Variants in LEKR1 observed in about 807,000 individuals in gnomAD.
LEKR1 encodes protein LEKR1.
Under a neutral mutation model 72.4 loss-of-function variants are expected in LEKR1, and 59 were observed. The observed-to-expected ratio is 0.82, with a 90% confidence interval of 0.66 to 1.01. The LOEUF is 1.01. Ranked by LOEUF, LEKR1 falls within the 50% of genes least tolerant of loss-of-function variation. LEKR1 has a pLI of 0.00. For missense variants in LEKR1, 728 were observed against 759.2 expected, an observed-to-expected ratio of 0.96 and a Z score of 0.48; for synonymous variants, 257 against 263.2, an observed-to-expected ratio of 0.98 and a Z score of 0.23.
chr3:156,882,669 T>C (rs1217737561), intron 3 of LEKR1, among the ~76,000 whole-genome samples: 1 of 152,166 alleles, frequency 6.6e-6, no homozygotes, highest in African/African-American at 2.4e-5. Flanking sequence ...CCCAAAGGAC[T>C]ATAAATCATG....
chr3:156,957,200 A>G (rs529291862), intron 6 of LEKR1, among the ~76,000 whole-genome samples: 2 of 152,178 alleles, frequency 1.3e-5, no homozygotes, highest in Admixed American at 1.3e-4. Context: ...CCATGCCAAC[A>G]TTTAGGACAT....
At chr3:156,966,873 C>A (rs556348057) in intron 6 of LEKR1, among the ~76,000 whole-genome samples, 2 of 152,130 alleles carry the variant, frequency 1.3e-5, no homozygotes, top group Admixed American at 1.3e-4. Flanking sequence ...CTGGGAGGCA[C>A]CCCCCAGTAG....
At chr3:156,835,232 C>T (rs1343434785) in intron 2 of LEKR1, among the ~76,000 whole-genome samples, 1 of 152,206 alleles carries the variant, frequency 6.6e-6, no homozygotes, top group East Asian at 1.9e-4. Flanking sequence ...AAGCACAGAG[C>T]TGAGACATTA....
intron 3 of LEKR1, among the ~76,000 whole-genome samples, chr3:156,902,505 G>T (rs1019715706): frequency 2.0e-5 from 3 of 151,900 alleles, no homozygotes; most frequent in Non-Finnish European, 4.4e-5. Flanking sequence ...ATTATTCAGG[G>T]TATTTAGCTG....
intron 9 of LEKR1, among the ~76,000 whole-genome samples, chr3:157,001,385 G>A (rs1309647300): frequency 6.6e-6 from 1 of 152,086 alleles, no homozygotes; most frequent in Admixed American, 6.6e-5. Context: ...CTCTTTGATT[G>A]ACAATGTGAA....
intron 2 of LEKR1, among the ~76,000 whole-genome samples, chr3:156,833,279 A>C (rs926966248): frequency 2.6e-5 from 4 of 152,180 alleles, no homozygotes; most frequent in African/African-American, 9.6e-5. Flanking sequence ...CCTCTATATT[A>C]ATGGCACAAT....
intron 6 of LEKR1, among the ~76,000 whole-genome samples, chr3:156,968,516 A>G (rs1728842524): frequency 6.6e-6 from 1 of 152,328 alleles, no homozygotes; most frequent in South Asian, 2.1e-4. Context: ...ACAAAGATCA[A>G]AAGAGACAAG....
At chr3:156,939,667 T>G (rs1726025464) in intron 5 of LEKR1, among the ~76,000 whole-genome samples, 1 of 152,306 alleles carries the variant, frequency 6.6e-6, no homozygotes, top group African/African-American at 2.4e-5. Context: ...AGTAAAATAT[T>G]TCCTATTCTA....
At chr3:156,964,069 A>G (rs1035655754) in intron 6 of LEKR1, among the ~76,000 whole-genome samples, 1 of 152,178 alleles carries the variant, frequency 6.6e-6, no homozygotes, top group Non-Finnish European at 1.5e-5. Context: ...TGAGTATGTT[A>G]TATAGTTTAG....
At chr3:157,017,614 A>G (rs1396474091) in intron 10 of LEKR1, 1 of 152,166 alleles carries the variant, frequency 6.6e-6, no homozygotes, top group Non-Finnish European at 1.5e-5. Context: ...ATAAAAACAC[A>G]ATAGATTAAA....
chr3:156,829,043 C>G (rs886289115), intron 1 of LEKR1, among the ~76,000 whole-genome samples: 1 of 152,120 alleles, frequency 6.6e-6, no homozygotes. Context: ...CTATAAAGTT[C>G]TAACAAAAGA....
intron 5 of LEKR1, among the ~76,000 whole-genome samples, chr3:156,939,931 G>A (rs910252172): frequency 1.3e-5 from 2 of 152,052 alleles, no homozygotes; most frequent in Non-Finnish European, 2.9e-5. Context: ...TGAAATTAGG[G>A]ATAGAATTGA....
rs191297533 is a variant in LEKR1 at position 156,992,339 on chromosome 3, G to A, written c.828-314G>A. On this transcript the variant is annotated intron_variant, in intron 7 of 12. Coordinates refer to ENST00000356539, the MANE Select transcript of LEKR1 (RefSeq NM_001004316.3). ...CCCATGCTGTCACCTCATTCCAACT[G>A]TCAACTTTCCTCCAGAATCTCCCTG... 5.9e-5 allele frequency among the ~76,000 whole-genome samples: 9 copies of A among 152,254 alleles called. No individual in the cohort carries two copies. The East Asian group carries it at 1.7e-3, about 29-fold the overall frequency.
At chr3:157,033,746 C>A (rs1577023754) in intron 12 of LEKR1, among the ~76,000 whole-genome samples, 1 of 152,166 alleles carries the variant, frequency 6.6e-6, no homozygotes, top group South Asian at 2.1e-4. Context: ...ATGGAACAAC[C>A]TTCTATTGGA....
At chr3:156,981,204 C>T (rs577912275) in intron 7 of LEKR1, among the ~76,000 whole-genome samples, 11 of 152,180 alleles carry the variant, frequency 7.2e-5, no homozygotes, top group East Asian at 1.9e-4. Context: ...GACAAAATTG[C>T]GTAATGACAC....
chr3:156,870,483 T>A (rs1717797823), intron 3 of LEKR1, among the ~76,000 whole-genome samples: 1 of 152,124 alleles, frequency 6.6e-6, no homozygotes, highest in Admixed American at 6.6e-5. Flanking sequence ...GATTTCTTTT[T>A]CAGCTAATCC....
chr3:156,950,458 C>G (rs1351724105), intron 6 of LEKR1, among the ~76,000 whole-genome samples: 1 of 151,498 alleles, frequency 6.6e-6, no homozygotes, highest in Admixed American at 6.6e-5. Flanking sequence ...ATTGATTCTT[C>G]CAATCCATGA....
chr3:157,031,792 G>A (rs2108040049), intron 12 of LEKR1, among the ~76,000 whole-genome samples: 1 of 152,280 alleles, frequency 6.6e-6, no homozygotes, highest in South Asian at 2.1e-4. Context: ...TCTCTTTCAA[G>A]AGGCCAAATA....
intron 3 of LEKR1, among the ~76,000 whole-genome samples, chr3:156,877,490 T>A (rs1300194485): frequency 2.0e-5 from 3 of 152,190 alleles, no homozygotes; most frequent in Non-Finnish European, 4.4e-5. Flanking sequence ...TGTTTTAGTC[T>A]CACTGCTTGT....
Sources: allele counts gnomAD v4.1 joint callset (sites outside exome capture counted in the v4.1 genomes callset), GRCh38; gene constraint gnomAD v4.1.1; transcripts MANE v1.5; gene names NCBI Gene and HGNC (gene_info 2026-07-23, HGNC 2026-07-21).